Variants in PRKAA2 observed in about 807,000 individuals in gnomAD.
The protein encoded by PRKAA2 is 5'-AMP-activated protein kinase catalytic subunit alpha-2.
PRKAA2 carries 40 observed loss-of-function variants against 56.3 expected under a neutral mutation model. That is an observed-to-expected ratio of 0.71 (90% CI 0.55 to 0.92). The LOEUF is 0.92. Ranked by LOEUF, PRKAA2 falls within the 40% of genes least tolerant of loss-of-function variation. The probability of loss-of-function intolerance (pLI) is 0.00; values close to 1 mark genes in which losing one functional copy is unlikely to be tolerated. For synonymous variants in PRKAA2, 214 were observed against 234.2 expected (o/e 0.91, Z 0.79); for missense variants, 542 against 686.9 (o/e 0.79, Z 2.36).
intron 1 of PRKAA2, among the ~76,000 whole-genome samples, 153 bp from the exon 2 acceptor site, chr1:56,674,228 G>A (rs1644097655): frequency 6.6e-6 from 1 of 152,080 alleles, no homozygotes. Flanking sequence ...TCTAATAGAA[G>A]AAATAGAAGT....
chr1:56,681,598 A>G (rs1392843581), intron 2 of PRKAA2, among the ~76,000 whole-genome samples: 1 of 152,156 alleles, frequency 6.6e-6, no homozygotes, highest in Non-Finnish European at 1.5e-5. Context: ...TCCCAGCACC[A>G]TTTTTAAATA....
At chr1:56,670,209 G>A (rs1315058677) in intron 1 of PRKAA2, among the ~76,000 whole-genome samples, 1 of 152,156 alleles carries the variant, frequency 6.6e-6, no homozygotes, top group African/African-American at 2.4e-5. Flanking sequence ...AACCTTTTGA[G>A]TTTTAAAATA....
At chr1:56,665,718 T>G (rs1039490575) in intron 1 of PRKAA2, among the ~76,000 whole-genome samples, 2 of 152,228 alleles carry the variant, frequency 1.3e-5, no homozygotes, top group African/African-American at 4.8e-5. Context: ...CTGTCTTTTT[T>G]ATTGTGCTAT....
Position 56,703,954 on chromosome 1 carries a change from TG to T in PRKAA2, c.789-16del, listed in dbSNP as rs768065576. ...CAAACCATGTCTTACAATAATGTAT[TG>T]TGGTGTTTTTCCTAGAGAGCATGAA... On this transcript the variant is annotated splice_polypyrimidine_tract_variant and intron_variant, in intron 6 of 8. Coordinates refer to ENST00000371244, the MANE Select transcript of PRKAA2 (RefSeq NM_006252.4). The T allele has an allele frequency of 6.3e-7, 1 of 1,583,048 alleles. No individual in the cohort carries two copies. Among genetic ancestry groups the T allele is most frequent in the South Asian group, 1.2e-5 (1 of 84,092 alleles).
intron 6 of PRKAA2, among the ~76,000 whole-genome samples, 157 bp downstream of exon 6, chr1:56,696,316 CA>C (rs1463788273): frequency 6.6e-6 from 1 of 152,118 alleles, no homozygotes; most frequent in Non-Finnish European, 1.5e-5. Context: ...TCAAACCTAA[CA>C]TAGATTTTAT....
chr1:56,697,930 A>G (rs1416493751), intron 6 of PRKAA2, among the ~76,000 whole-genome samples: 1 of 152,030 alleles, frequency 6.6e-6, no homozygotes, highest in Non-Finnish European at 1.5e-5. Context: ...ATTTGTACGT[A>G]GGTAGATGGC....
In PRKAA2 at chr1:56,714,414, T is replaced by C. The variant is rs1644392049; in HGVS notation, c.*6701T>C. 6.6e-6 allele frequency: 1 copy of C among 152,122 alleles called. No homozygotes were observed. Among genetic ancestry groups the C allele is most frequent in the Non-Finnish European group, 1.5e-5 (1 of 67,988 alleles). 9.4% of individuals were successfully genotyped at this position (152,122 alleles called of 1,614,324 possible). Reference sequence around the variant, plus strand: ...TATCCCCACATTCAATGTAAATTCCTTTTTTTAAAAAAAATAAGTATCTTT... The same window carrying C: ...TATCCCCACATTCAATGTAAATTCCCTTTTTTAAAAAAAATAAGTATCTTT... On this transcript the variant is annotated 3_prime_UTR_variant, in exon 9 of 9. Coordinates refer to ENST00000371244, the MANE Select transcript of PRKAA2 (RefSeq NM_006252.4).
In PRKAA2 at chr1:56,711,194, G is replaced by GT. The variant is rs1230578702; in HGVS notation, c.*3486dup. The GT allele has an allele frequency of 2.0e-5, 3 of 152,020 alleles. No individual in the cohort carries two copies. Among genetic ancestry groups the GT allele is most frequent in the Non-Finnish European group, 4.4e-5 (3 of 67,952 alleles). 9.4% of individuals were successfully genotyped at this position (152,020 alleles called of 1,614,324 possible). ...ACAATTCTCCATTTTCTGCAAATGG[G>GT]TTTTTCAGGACAGTTTTATAATTCT... On this transcript the variant is annotated 3_prime_UTR_variant, in exon 9 of 9. Transcript: ENST00000371244.
intron 1 of PRKAA2, among the ~76,000 whole-genome samples, chr1:56,665,175 A>T (rs1569729474): frequency 6.6e-6 from 1 of 151,254 alleles, no homozygotes; most frequent in Non-Finnish European, 1.5e-5. Flanking sequence ...CCCGGTTCAA[A>T]CGATTCTCCT....
At chr1:56,645,949 T>C (rs1219327056) in intron 1 of PRKAA2, among the ~76,000 whole-genome samples, 3 of 152,146 alleles carry the variant, frequency 2.0e-5, no homozygotes, top group South Asian at 4.1e-4. Flanking sequence ...TGGAATCTCA[T>C]TGAATCCTCA....
At chr1:56,704,550 G>A (rs887030322) in intron 7 of PRKAA2, 75 bp downstream of exon 7, 5 of 1,493,184 alleles carry the variant, frequency 3.3e-6, no homozygotes, top group Non-Finnish European at 4.4e-6. Context: ...GAGCTCCTGA[G>A]TTGAGTATTA....
chr1:56,706,009 C>G (rs559933566), intron 7 of PRKAA2, 83 bp from the exon 8 acceptor site: 1 of 1,198,894 alleles, frequency 8.3e-7, no homozygotes, highest in African/African-American at 1.5e-5. Context: ...TACCTCACCC[C>G]TATTAATTAT....
chr1:56,705,434 T>C (rs1483411010), intron 7 of PRKAA2, among the ~76,000 whole-genome samples: 1 of 152,156 alleles, frequency 6.6e-6, no homozygotes, highest in Non-Finnish European at 1.5e-5. Context: ...AGACAGGGTC[T>C]CACTCTGTTG....
chr1:56,677,313 T>C (rs1644120437), intron 2 of PRKAA2, among the ~76,000 whole-genome samples: 1 of 152,244 alleles, frequency 6.6e-6, no homozygotes, highest in South Asian at 2.1e-4. Context: ...CTCTGTATTA[T>C]TCATGACTTT....
At position 56,713,588 on chromosome 1, in the gene PRKAA2, G is replaced by A. The variant is rs1022160166; in HGVS notation, c.*5875G>A. The stretch of plus-strand genomic sequence containing the variant: ...GCATGAAAACTTTTTTGAATAATAC[G>A]TAGAATTTTGACAAGGTTCATACAG... On this transcript the variant is annotated 3_prime_UTR_variant, in exon 9 of 9. Coordinates refer to ENST00000371244, the MANE Select transcript of PRKAA2 (RefSeq NM_006252.4). 4 of 151,944 alleles carry A rather than the reference G, an allele frequency of 2.6e-5. No individual in the cohort carries two copies. Among genetic ancestry groups the A allele is most frequent in the African/African-American group, 7.2e-5 (3 of 41,394 alleles). 9.4% of individuals were successfully genotyped at this position (151,944 alleles called of 1,614,324 possible). A position where few individuals can be genotyped will look rare whatever the true frequency, so the allele number is the denominator to read the frequency against.
In PRKAA2 at chr1:56,707,462, T is replaced by C. The variant is rs1644339324; in HGVS notation, c.1421-13T>C. The C allele has an allele frequency of 6.2e-7, 1 of 1,609,758 alleles. No individual in the cohort carries two copies. On this transcript the variant is annotated splice_polypyrimidine_tract_variant and intron_variant, in intron 8 of 8. Transcript: ENST00000371244. ...ACTTTCCATATAAATTGCTCTTCTT[T>C]GGTCCATTTCAGATGAAGTAGTGGA...
At position 56,692,496 on chromosome 1, in the gene PRKAA2, G is replaced by A. The variant is rs1644234984; in HGVS notation, c.469G>A (p.Asp157Asn). 1.9e-6 allele frequency: 3 copies of A among 1,613,632 alleles called. No individual in the cohort carries two copies. Among genetic ancestry groups the A allele is most frequent in the Admixed American group, 1.7e-5 (1 of 59,928 alleles). Residue 157 changes from aspartate to asparagine, a missense_variant, in exon 4 of 9, where the codon GAT becomes AAT. Asp to Asn is a conservative substitution (Grantham distance 23, BLOSUM62 1). Around this residue, in one of 5 missense-constraint regions of PRKAA2, gnomAD observed 121 missense variants for 210.0 expected, o/e 0.58. Transcript: ENST00000371244. ...TGCACACATGAATGCCAAGATAGCCGATTTCGGTATGTAACTCCAGGGTTG... is the reference window on the plus strand; with the variant it reads ...TGCACACATGAATGCCAAGATAGCCAATTTCGGTATGTAACTCCAGGGTTG... ...LDAHMNAKIA[D>N]FGLSNMMSDG...
chr1:56,655,306 G>A, intron 1 of PRKAA2, among the ~76,000 whole-genome samples: 1 of 91,746 alleles, frequency 1.1e-5, no homozygotes, highest in Non-Finnish European at 2.0e-5. Context: ...TGTAGAGACA[G>A]GGTCTCACTG....
chr1:56,692,623 G>T (rs1644235967), intron 4 of PRKAA2, 121 bp downstream of exon 4: 2 of 921,714 alleles, frequency 2.2e-6, no homozygotes, highest in Non-Finnish European at 3.0e-6. Flanking sequence ...GGAATTAGCT[G>T]AAATCTCCTC....
Sources: allele counts gnomAD v4.1 joint callset (sites outside exome capture counted in the v4.1 genomes callset), GRCh38; gene constraint gnomAD v4.1.1; regional missense constraint gnomAD v4.1.1; transcripts MANE v1.5; gene names NCBI Gene and HGNC (gene_info 2026-07-23, HGNC 2026-07-21).